SLC22A24: variants seen among roughly 807,000 people sequenced by gnomAD.
SLC22A24 encodes the protein steroid transmembrane transporter SLC22A24.
Under a neutral mutation model 49.8 loss-of-function variants are expected in SLC22A24, and 53 were observed. The observed-to-expected ratio is 1.06, with a 90% CI of 0.85 to 1.34. SLC22A24 has a LOEUF of 1.34. Among genes scored for constraint, SLC22A24 ranks in the 40% most tolerant of loss-of-function variants. The pLI, the probability that SLC22A24 is intolerant of heterozygous loss-of-function variation, is 0.00. For missense variants in SLC22A24, 786 were observed against 675.9 expected (o/e 1.16, Z -1.81); for synonymous variants, 302 against 256.4 (o/e 1.18, Z -1.70).
At position 63,104,294 on chromosome 11, in the gene SLC22A24, T is replaced by C; in HGVS notation, c.835A>G (p.Met279Val). 1 of 1,548,684 alleles carries C rather than the reference T, an allele frequency of 6.5e-7. No individual in the cohort carries two copies. The highest frequency in any genetic ancestry group is 1.4e-5 in the African/African-American group (1 of 73,024). ...ATCAGCCACCGAGCAGACTCCACCA[T>C]CTTCCTGATGAAAGAAGACAACATA... ...IIVLFLSSWKMVESARWLIIN... is the reference protein window; with the variant it reads ...IIVLFLSSWKVVESARWLIIN... Residue 279 changes from methionine (M) to valine (V), a missense_variant, in exon 5 of 10, where the codon ATG becomes GTG. Transcript: ENST00000612278.
chr11:63,089,686 G>A (rs772528780), intron 6 of SLC22A24, among the ~76,000 whole-genome samples: 46 of 152,204 alleles, frequency 3.0e-4, no homozygotes, highest in Non-Finnish European at 6.5e-4. Flanking sequence ...TCAAAATAAA[G>A]GGATGGAGGA....
chr11:63,107,034 G>C (rs1398289158), intron 4 of SLC22A24, among the ~76,000 whole-genome samples: 1 of 152,104 alleles, frequency 6.6e-6, no homozygotes, highest in Non-Finnish European at 1.5e-5. Context: ...GTATTGACTA[G>C]GTTTTCTTCT....
chr11:63,104,762 C>T (rs1323395901), intron 4 of SLC22A24, among the ~76,000 whole-genome samples: 4 of 152,084 alleles, frequency 2.6e-5, no homozygotes, highest in Admixed American at 1.3e-4. Flanking sequence ...ATTCAATTAT[C>T]GCCCACTGGG....
At position 63,106,162 on chromosome 11, in the gene SLC22A24, A is replaced by G. The variant is rs566293286; in HGVS notation, c.831-1864T>C. Reference sequence around the variant, plus strand: ...TGTTCTCATTGTTCAATTCCCACCTATGAGTGAGAACATGCGGTGTTTGGT... The same window carrying G: ...TGTTCTCATTGTTCAATTCCCACCTGTGAGTGAGAACATGCGGTGTTTGGT... On this transcript the variant is annotated intron_variant, in intron 4 of 9. Coordinates refer to ENST00000612278, the MANE Select transcript of SLC22A24 (RefSeq NM_001136506.2). 1.0e-4 allele frequency among the ~76,000 whole-genome samples: 14 copies of G among 137,300 alleles called. No homozygotes were observed. The East Asian group carries it at 2.8e-3, about 28-fold the overall frequency. 90.1% of individuals were successfully genotyped at this position (137,300 alleles called of 152,430 possible). A position where few individuals can be genotyped will look rare whatever the true frequency, so the allele number is the denominator to read the frequency against.
chr11:63,090,581 G>C (rs1245113840), intron 6 of SLC22A24, among the ~76,000 whole-genome samples: 1 of 151,622 alleles, frequency 6.6e-6, no homozygotes, highest in African/African-American at 2.4e-5. Flanking sequence ...CGTGGAAATT[G>C]AACAACCTGT....
intron 5 of SLC22A24, among the ~76,000 whole-genome samples, chr11:63,103,321 A>G (rs2087102227): frequency 6.6e-6 from 1 of 152,146 alleles, no homozygotes; most frequent in South Asian, 2.1e-4. Context: ...TTTCTGACCT[A>G]TTAAGGCTAA....
chr11:63,125,279 G>T (rs1331800377), intron 2 of SLC22A24, among the ~76,000 whole-genome samples: 1 of 151,870 alleles, frequency 6.6e-6, no homozygotes, highest in Non-Finnish European at 1.5e-5. Flanking sequence ...TCTACATTAG[G>T]TATTTCTCCT....
rs560493061 is a variant in SLC22A24 at position 63,129,684 on chromosome 11, G to A, written c.506+4981C>T. On this transcript the variant is annotated intron_variant, in intron 2 of 9. Transcript: ENST00000612278. ...GTGGTTTGTAGTTTTCCTTGAGGAGGTTCTTCACATCCCTTGTAAGTTGGA... is the reference window on the plus strand; with the variant it reads ...GTGGTTTGTAGTTTTCCTTGAGGAGATTCTTCACATCCCTTGTAAGTTGGA... Among the ~76,000 whole-genome samples, 40 of 152,188 alleles carry A rather than the reference G, an allele frequency of 2.6e-4. 1 individual carries two copies. The South Asian group carries it at 8.1e-3, about 31-fold the overall frequency.
chr11:63,137,468 G>A (rs2087383567), intron 1 of SLC22A24, among the ~76,000 whole-genome samples: 1 of 152,120 alleles, frequency 6.6e-6, no homozygotes, highest in South Asian at 2.1e-4. Flanking sequence ...TGTCTCTCAT[G>A]GTAACTATCT....
At chr11:63,097,924 T>TG (rs1284487353) in intron 5 of SLC22A24, among the ~76,000 whole-genome samples, 4 of 151,800 alleles carry the variant, frequency 2.6e-5, no homozygotes, top group African/African-American at 4.8e-5. Context: ...TGTTGGGGGA[T>TG]GGGGGGCAAA....
chr11:63,107,368 T>G (rs1403224686), intron 4 of SLC22A24, among the ~76,000 whole-genome samples: 2 of 152,210 alleles, frequency 1.3e-5, no homozygotes, highest in Non-Finnish European at 2.9e-5. Context: ...GGTAGTGTGA[T>G]GCCTCCAGCT....
At chr11:63,099,762 T>A (rs1297974106) in intron 5 of SLC22A24, among the ~76,000 whole-genome samples, 1 of 152,092 alleles carries the variant, frequency 6.6e-6, no homozygotes, top group Non-Finnish European at 1.5e-5. Flanking sequence ...AATGCAAGGA[T>A]GGTTCGACAT....
chr11:63,120,911 T>A (rs2087247442), intron 2 of SLC22A24, among the ~76,000 whole-genome samples: 1 of 152,070 alleles, frequency 6.6e-6, no homozygotes, highest in African/African-American at 2.4e-5. Context: ...AAGGAATCAT[T>A]GGAAAACTGA....
At chr11:63,094,616 G>C (rs375284425) in intron 6 of SLC22A24, among the ~76,000 whole-genome samples, 1 of 152,036 alleles carries the variant, frequency 6.6e-6, no homozygotes, top group African/African-American at 2.4e-5. Context: ...AAGTGTTCCT[G>C]TTTCTCCACA....
chr11:63,139,463 C>A (rs192887984), intron 1 of SLC22A24, among the ~76,000 whole-genome samples: 88 of 152,160 alleles, frequency 5.8e-4, no homozygotes, highest in Admixed American at 3.5e-3. Flanking sequence ...AGGAAATATA[C>A]CTTAGGGGAT....
At chr11:63,123,397 T>C (rs528195267) in intron 2 of SLC22A24, among the ~76,000 whole-genome samples, 22 of 152,322 alleles carry the variant, frequency 1.4e-4, no homozygotes, top group African/African-American at 3.8e-4. Flanking sequence ...CTGGTCTCTA[T>C]CTACATTTCT....
At chr11:63,109,818 G>A (rs1233785246) in intron 4 of SLC22A24, among the ~76,000 whole-genome samples, 2 of 151,494 alleles carry the variant, frequency 1.3e-5, no homozygotes, top group African/African-American at 4.8e-5. Context: ...TCTGATGGTA[G>A]TTTCTTTTGC....
Position 63,143,480 on chromosome 11 carries a change from G to A in SLC22A24, c.300C>T (p.His100=), listed in dbSNP as rs758487372. The part of the protein sequence containing the change: ...RFIHPQWQLL[H]LNGTFPNTNE... ...TTGTGTTGGGGAAGGTCCCGTTCAGGTGAAGGAGCTGCCACTGGGGATGGA... is the reference window on the plus strand; with the variant it reads ...TTGTGTTGGGGAAGGTCCCGTTCAGATGAAGGAGCTGCCACTGGGGATGGA... Residue 100 remains histidine (H), a synonymous_variant, in exon 1 of 10, where the codon CAC becomes CAT. Transcript: ENST00000612278. The A allele has an allele frequency of 1.9e-6, 3 of 1,601,152 alleles. No homozygotes were observed. In the East Asian group the frequency reaches 6.9e-5, roughly 37 times the overall value.
chr11:63,134,576 T>C (rs2087359422), intron 2 of SLC22A24, 89 bp downstream of exon 2: 1 of 771,678 alleles, frequency 1.3e-6, no homozygotes, highest in Non-Finnish European at 2.2e-6. Flanking sequence ...ATGCAAAGTA[T>C]ACAGTAAGAG....
Sources: allele counts gnomAD v4.1 joint callset (sites outside exome capture counted in the v4.1 genomes callset), GRCh38; gene constraint gnomAD v4.1.1; transcripts MANE v1.5; gene names NCBI Gene and HGNC (gene_info 2026-07-23, HGNC 2026-07-21).